Variants in FAR1 observed in about 807,000 individuals in gnomAD.
The protein encoded by FAR1 is fatty acyl-CoA reductase 1, also known as male sterility domain-containing protein 2.
FAR1 carries 22 observed loss-of-function variants against 61.1 expected under a neutral mutation model. The observed-to-expected ratio is 0.36, with a 90% CI of 0.26 to 0.51. The LOEUF is 0.51. FAR1 is among the 20% of genes least tolerant of loss of function. The pLI, the probability that FAR1 is intolerant of heterozygous loss-of-function variation, is 0.95. For synonymous variants in FAR1, 206 were observed against 209.7 expected (o/e 0.98, Z 0.15); for missense variants, 359 against 626.9 (o/e 0.57, Z 4.56).
intron 1 of FAR1, among the ~76,000 whole-genome samples, chr11:13,681,391 G>C (rs1427152023): frequency 6.6e-6 from 1 of 152,242 alleles, no homozygotes; most frequent in Non-Finnish European, 1.5e-5. Context: ...GGTTGCAACA[G>C]TATTTTCCAT....
chr11:13,721,963 A>G lies in FAR1; in HGVS notation c.1257+104A>G. The G allele has an allele frequency of 1.1e-6, 1 of 920,236 alleles. No individual in the cohort carries two copies. The allele number at this position is 920,236 out of a possible 1,614,324, so 57.0% of individuals were successfully genotyped here. On this transcript the variant is annotated intron_variant, in intron 10 of 11. Transcript: ENST00000354817. This position sits in a 1 kb window ranked among gnomAD's most constrained non-coding sequence, Gnocchi z 4.2. ...TTTCCACAGCTATTATGCAACAAGT[A>G]AGCCATTATTTATAGTCTCTCATAA...
intron 1 of FAR1, among the ~76,000 whole-genome samples, chr11:13,670,436 A>T (rs1037249965): frequency 5.3e-5 from 8 of 152,040 alleles, no homozygotes; most frequent in South Asian, 2.1e-4. Context: ...GACTACAGAG[A>T]CATGCCCCAC....
intron 9 of FAR1, chr11:13,720,445 A>G (rs1004948727): frequency 1.3e-5 from 2 of 152,158 alleles, no homozygotes; most frequent in Non-Finnish European, 2.9e-5. Context: ...CTACAGAACT[A>G]TCCCTGTCCA....
At chr11:13,714,454 C>A in intron 8 of FAR1, 55 bp from the exon 9 acceptor site, 2 of 1,407,952 alleles carry the variant, frequency 1.4e-6, no homozygotes, top group East Asian at 2.5e-5. Context: ...TTTTTTTTTT[C>A]AAAACTTCAT....
At chr11:13,704,791 G>T (rs149885008) in intron 3 of FAR1, among the ~76,000 whole-genome samples, 1 of 152,238 alleles carries the variant, frequency 6.6e-6, no homozygotes, top group Non-Finnish European at 1.5e-5. Flanking sequence ...TTTCTCAGGG[G>T]CAGTAGGGTG....
chr11:13,677,926 G>A (rs547826513), intron 1 of FAR1, among the ~76,000 whole-genome samples: 3 of 152,162 alleles, frequency 2.0e-5, no homozygotes, highest in Non-Finnish European at 4.4e-5. Context: ...ATTCTCTACA[G>A]TTATAATAAA....
intron 3 of FAR1, among the ~76,000 whole-genome samples, chr11:13,701,310 T>C (rs186093390): frequency 6.6e-6 from 1 of 152,218 alleles, no homozygotes; most frequent in East Asian, 1.9e-4. Context: ...ATGATAAGTG[T>C]TTAAGATGAT....
intron 3 of FAR1, among the ~76,000 whole-genome samples, chr11:13,702,224 A>G (rs1848384446): frequency 6.6e-6 from 1 of 152,080 alleles, no homozygotes; most frequent in South Asian, 2.1e-4. Flanking sequence ...ATATGTGTAG[A>G]TGTATTTATG....
intron 1 of FAR1, among the ~76,000 whole-genome samples, chr11:13,690,488 A>G (rs1012794043): frequency 1.3e-5 from 2 of 152,160 alleles, no homozygotes; most frequent in Non-Finnish European, 2.9e-5. Context: ...ATCTTGTAGA[A>G]GCATAATTGT....
In FAR1 at chr11:13,728,817, C is replaced by G. The variant is rs772232483; in HGVS notation, c.*43C>G. ...TTAGAACATCTATACATATGGTGAT[C>G]TAAATGTACAAAATGTAAAATGTAT... On this transcript the variant is annotated 3_prime_UTR_variant, in exon 12 of 12. Transcript: ENST00000354817. 7 of 1,534,164 alleles carry G rather than the reference C, an allele frequency of 4.6e-6. No homozygotes were observed. Among genetic ancestry groups the G allele is most frequent in the South Asian group, 2.4e-5 (2 of 84,164 alleles).
At chr11:13,673,324 A>G (rs1406333697) in intron 1 of FAR1, among the ~76,000 whole-genome samples, 3 of 152,212 alleles carry the variant, frequency 2.0e-5, no homozygotes, top group African/African-American at 4.8e-5. Flanking sequence ...TTCCTATTTC[A>G]TCTAGGCACT....
At chr11:13,682,957 C>T (rs1275488985) in intron 1 of FAR1, among the ~76,000 whole-genome samples, 1 of 151,986 alleles carries the variant, frequency 6.6e-6, no homozygotes, top group East Asian at 1.9e-4. Flanking sequence ...ATTTTTTCTT[C>T]TACTTTTAAA....
At chr11:13,698,966 C>CT (rs1209283013) in intron 2 of FAR1, among the ~76,000 whole-genome samples, 4 of 152,168 alleles carry the variant, frequency 2.6e-5, no homozygotes, top group African/African-American at 7.2e-5. Context: ...CCTGCATACT[C>CT]TATGTTCCAG....
At chr11:13,724,570 GAC>G (rs1848650147) in intron 10 of FAR1, among the ~76,000 whole-genome samples, 1 of 132,638 alleles carries the variant, frequency 7.5e-6, no homozygotes, top group Non-Finnish European at 1.6e-5. Flanking sequence ...AAAAAAAAAA[GAC>G]TGTAGATTTG....
chr11:13,721,606 G>C lies in FAR1; in HGVS notation c.1128-124G>C. The C allele has an allele frequency of 3.3e-5, 22 of 669,556 alleles. 1 individual carries two copies. In the South Asian group the frequency reaches 4.5e-4, roughly 14 times the overall value. The allele number at this position is 669,556 out of a possible 1,614,324, so 41.5% of individuals were successfully genotyped here. On this transcript the variant is annotated intron_variant, in intron 9 of 11. Transcript: ENST00000354817. The surrounding 1 kb of genome is among the most constrained non-coding windows in gnomAD (Gnocchi z 4.2). ...TCCCTGCTGATTTGGTACACTTAAT[G>C]ATTAAATGTTATAATTTTAATACTA...
intron 1 of FAR1, among the ~76,000 whole-genome samples, chr11:13,669,900 G>A (rs1382485382): frequency 1.3e-5 from 2 of 152,028 alleles, no homozygotes; most frequent in Non-Finnish European, 1.5e-5. Flanking sequence ...AAAAAGTGTT[G>A]GTTTAAAGAC....
chr11:13,690,187 T>C (rs1011996023), intron 1 of FAR1, among the ~76,000 whole-genome samples: 18 of 152,200 alleles, frequency 1.2e-4, no homozygotes, highest in African/African-American at 3.8e-4. Flanking sequence ...CAATCCTTTT[T>C]TGTAATGCCC....
intron 3 of FAR1, among the ~76,000 whole-genome samples, chr11:13,707,198 G>C (rs1848441827): frequency 6.6e-6 from 1 of 151,976 alleles, no homozygotes; most frequent in African/African-American, 2.4e-5. Flanking sequence ...ATGCTTCATT[G>C]ATAACTTTTC....
Position 13,713,019 on chromosome 11 carries a change from A to C in FAR1, c.941A>C (p.His314Pro), listed in dbSNP as rs373485409. 1.2e-6 allele frequency: 2 copies of C among 1,612,744 alleles called. No individual in the cohort carries two copies. Among genetic ancestry groups the C allele is most frequent in the Non-Finnish European group, 1.7e-6 (2 of 1,179,002 alleles). ...NCTTGSTNPF[H>P]WGEVEYHVIS... ...ACAACAGGCAGCACTAATCCTTTCC[A>C]CTGGGGTGAAGTTGGTATGATTTTA... Residue 314 changes from histidine (H) to proline (P), a missense_variant, in exon 8 of 12, where the codon CAC becomes CCC. Physicochemically the swap from His to Pro is moderately conservative, Grantham distance 77. This residue lies in a region of FAR1 where 344 missense variants were observed against 570.3 expected (regional missense o/e 0.60). Transcript: ENST00000354817.
Sources: gnomAD v4.1 joint callset for allele counts (sites outside exome capture counted in the v4.1 genomes callset) on GRCh38, gnomAD v4.1.1 for gene constraint, gnomAD v4.1.1 regional missense constraint, Gnocchi (gnomAD v3.1) non-coding constraint, MANE v1.5 for transcripts, NCBI Gene and HGNC (gene_info 2026-07-23, HGNC 2026-07-21) for gene names.